TMEM221: variants seen among roughly 807,000 people sequenced by gnomAD.
TMEM221 encodes transmembrane protein 221.
Under a neutral mutation model 10.2 loss-of-function variants are expected in TMEM221, and 11 were observed. The observed-to-expected ratio is 1.08, with a 90% CI of 0.68 to 1.79. The LOEUF is 1.79. Among genes scored for constraint, TMEM221 ranks in the 40% most tolerant of loss-of-function variants. The pLI, the probability that TMEM221 is intolerant of heterozygous loss-of-function variation, is 0.00. For missense variants in TMEM221, 382 were observed against 417.7 expected, an observed-to-expected ratio of 0.91 and a Z score of 0.75; for synonymous variants, 172 against 199.8, an observed-to-expected ratio of 0.86 and a Z score of 1.18.
intron 2 of TMEM221, among the ~76,000 whole-genome samples, chr19:17,443,812 T>C (rs547474148): frequency 2.0e-5 from 3 of 152,204 alleles, no homozygotes; most frequent in Admixed American, 2.0e-4. Context: ...ATCAACACAT[T>C]TGTTTCAAGA....
At chr19:17,447,372 C>A (rs978150790) in intron 1 of TMEM221, among the ~76,000 whole-genome samples, 12 of 152,094 alleles carry the variant, frequency 7.9e-5, no homozygotes, top group African/African-American at 2.9e-4. Context: ...GGTCTGGGTC[C>A]ACTTGGTCCC....
At position 17,448,285 on chromosome 19, in the gene TMEM221, G is replaced by A; in HGVS notation, c.178C>T (p.Pro60Ser). The change falls in exon 1 of 3, where the codon CCA (proline) becomes TCA (serine). Residue 60 changes from proline to serine, a missense_variant. Pro to Ser is a moderately conservative substitution (Grantham distance 74, BLOSUM62 -1). Coordinates refer to ENST00000341130, the MANE Select transcript of TMEM221 (RefSeq NM_001190844.2). This position sits in a 1 kb window ranked among gnomAD's most constrained non-coding sequence, Gnocchi z 4.7. Reference sequence around the variant, plus strand: ...AGCAGCGTCCCGGCCGCGTCCTCTGGCAGCCCGGGGCCGGCGCCCAGCTCC... The same window carrying A: ...AGCAGCGTCCCGGCCGCGTCCTCTGACAGCCCGGGGCCGGCGCCCAGCTCC... ...GQELGAGPGLPEDAAGTLLPL... is the reference protein window; with the variant it reads ...GQELGAGPGLSEDAAGTLLPL... The A allele has an allele frequency of 8.2e-7, 1 of 1,217,566 alleles. No homozygotes were observed. Among genetic ancestry groups the A allele is most frequent in the African/African-American group, 1.6e-5 (1 of 63,112 alleles). 75.4% of individuals were successfully genotyped at this position (1,217,566 alleles called of 1,614,324 possible). A position where few individuals can be genotyped will look rare whatever the true frequency, so the allele number is the denominator to read the frequency against.
In TMEM221 at chr19:17,448,230, AC is replaced by A; in HGVS notation, c.232del (p.Val78CysfsTer57). Reference sequence around the variant, plus strand: ...CAAGCAGGTGAACCCCAGCACGAGCACCAGCGCGGCCAGCGCGGCGGCCAGC... The same window carrying A: ...CAAGCAGGTGAACCCCAGCACGAGCACAGCGCGGCCAGCGCGGCGGCCAGC... ...LPLAAALAAL[V>X]LVLGFTCLLL... On this transcript the variant is annotated frameshift_variant, in exon 1 of 3. Coordinates refer to ENST00000341130, the MANE Select transcript of TMEM221 (RefSeq NM_001190844.2). LOFTEE classifies it high-confidence loss of function. This position sits in a 1 kb window ranked among gnomAD's most constrained non-coding sequence, Gnocchi z 4.7. 1.5e-6 allele frequency: 2 copies of A among 1,349,134 alleles called. No homozygotes were observed. Among genetic ancestry groups the A allele is most frequent in the Non-Finnish European group, 9.5e-7 (1 of 1,050,800 alleles). 83.6% of individuals were successfully genotyped at this position (1,349,134 alleles called of 1,614,324 possible). A position where few individuals can be genotyped will look rare whatever the true frequency, so the allele number is the denominator to read the frequency against.
Position 17,445,280 on chromosome 19 carries a change from C to T in TMEM221, c.325G>A (p.Asp109Asn). Residue 109 changes from aspartate to asparagine, a missense_variant, in exon 2 of 3, where the codon GAC becomes AAC. Asp to Asn is a conservative substitution (Grantham distance 23). Coordinates refer to ENST00000341130, the MANE Select transcript of TMEM221 (RefSeq NM_001190844.2). ...LARGPGPRRS[D>N]WFLYDCRLLR... is the part of the protein sequence containing the mutation. Reference sequence around the variant, plus strand: ...AGGCGGCAGTCGTAGAGAAACCAGTCAGACCTGGAATGAAGGGGAGCAGGA... The same window carrying T: ...AGGCGGCAGTCGTAGAGAAACCAGTTAGACCTGGAATGAAGGGGAGCAGGA... 1 of 1,535,472 alleles carries T rather than the reference C, an allele frequency of 6.5e-7. No homozygotes were observed.
intron 2 of TMEM221, among the ~76,000 whole-genome samples, chr19:17,444,098 T>TTTTTTA (rs2074942792): frequency 1.7e-5 from 2 of 114,846 alleles, no homozygotes; most frequent in African/African-American, 6.2e-5. Flanking sequence ...TTTTTTTTTT[T>TTTTTTA]GAGACGGGGT....
chr19:17,441,554 A>G (rs1020168256), intron 2 of TMEM221, among the ~76,000 whole-genome samples: 1 of 152,190 alleles, frequency 6.6e-6, no homozygotes, highest in African/African-American at 2.4e-5. Flanking sequence ...TCAGAGCATT[A>G]ATTGCTTCCC....
intron 2 of TMEM221, among the ~76,000 whole-genome samples, chr19:17,444,070 T>A (rs1318010343): frequency 7.7e-6 from 1 of 129,298 alleles, no homozygotes; most frequent in African/African-American, 2.9e-5. Flanking sequence ...TAAAATGCTA[T>A]CTTTTTTTTT....
In TMEM221 at chr19:17,448,469, G is replaced by A. The variant is rs1459223195; in HGVS notation, c.-7C>T. ...CGCCGTAAGAACGGGCCATGGCGGGGGTTCCTGCGGGCCGGGGGAAGAGTT... is the reference window on the plus strand; with the variant it reads ...CGCCGTAAGAACGGGCCATGGCGGGAGTTCCTGCGGGCCGGGGGAAGAGTT... On this transcript the variant is annotated 5_prime_UTR_variant, in exon 1 of 3. Coordinates refer to ENST00000341130, the MANE Select transcript of TMEM221 (RefSeq NM_001190844.2). This position sits in a 1 kb window ranked among gnomAD's most constrained non-coding sequence, Gnocchi z 4.7. 6.8e-7 allele frequency: 1 copy of A among 1,469,868 alleles called. No homozygotes were observed. The highest frequency in any genetic ancestry group is 2.4e-5 in the Admixed American group (1 of 41,988). The allele number at this position is 1,469,868 out of a possible 1,614,324, so 91.1% of individuals were successfully genotyped here.
At position 17,445,246 on chromosome 19, in the gene TMEM221, T is replaced by C; in HGVS notation, c.359A>G (p.His120Arg). The change falls in exon 2 of 3, where the codon CAT becomes CGT. Residue 120 changes from histidine to arginine, a missense_variant. By Grantham distance (29) the His-to-Arg change is conservative. Coordinates refer to ENST00000341130, the MANE Select transcript of TMEM221 (RefSeq NM_001190844.2). ...WFLYDCRLLR[H>R]VALGLFCCGI... Reference sequence around the variant, plus strand: ...ACAGCAGAAAAGGCCAAGGGCCACATGTCTGAGGAGGCGGCAGTCGTAGAG... The same window carrying C: ...ACAGCAGAAAAGGCCAAGGGCCACACGTCTGAGGAGGCGGCAGTCGTAGAG... 1 of 1,535,842 alleles carries C rather than the reference T, an allele frequency of 6.5e-7. No individual in the cohort carries two copies. The highest frequency in any genetic ancestry group is 1.2e-5 in the South Asian group (1 of 84,042).
At chr19:17,437,818 G>A (rs2074915428) in intron 2 of TMEM221, among the ~76,000 whole-genome samples, 1 of 152,078 alleles carries the variant, frequency 6.6e-6, no homozygotes, top group Admixed American at 6.6e-5. Flanking sequence ...TAAGGAAGGA[G>A]TGGATGTTGG....
chr19:17,445,341 A>G, intron 1 of TMEM221, 57 bp from the exon 2 acceptor site: 1 of 1,422,636 alleles, frequency 7.0e-7, no homozygotes, highest in Non-Finnish European at 9.5e-7. Flanking sequence ...TGGTGGGGGG[A>G]GGTCAGTGAG....
chr19:17,447,340 T>C (rs1487471499), intron 1 of TMEM221, among the ~76,000 whole-genome samples: 1 of 152,184 alleles, frequency 6.6e-6, no homozygotes, highest in African/African-American at 2.4e-5. Context: ...GTTTCCTTAT[T>C]TTCTGTGACC....
Position 17,436,899 on chromosome 19 carries a change from G to A in TMEM221, c.435C>T (p.Phe145=), listed in dbSNP as rs769844450. 2.5e-5 allele frequency: 35 copies of A among 1,405,346 alleles called. No homozygotes were observed. Among genetic ancestry groups the A allele is most frequent in the Non-Finnish European group, 2.0e-5 (22 of 1,079,744 alleles). 87.1% of individuals were successfully genotyped at this position (1,405,346 alleles called of 1,614,324 possible). A position where few individuals can be genotyped will look rare whatever the true frequency, so the allele number is the denominator to read the frequency against. The change falls in exon 3 of 3, where the codon TTC becomes TTT. Residue 145 remains phenylalanine (F), a synonymous_variant. Coordinates refer to ENST00000341130, the MANE Select transcript of TMEM221 (RefSeq NM_001190844.2). ...CAGCTGCTGCGCCTGTCTCGATCTC[G>A]AAAAGTAGCAAGGCATAGATGGACA... ...AALSIYALLL[F]EIETGAAAAS...
chr19:17,443,229 C>T (rs963614869), intron 2 of TMEM221, among the ~76,000 whole-genome samples: 2 of 151,696 alleles, frequency 1.3e-5, no homozygotes, highest in Admixed American at 6.6e-5. Flanking sequence ...TGCAGTGAGC[C>T]GAGATCACAC....
chr19:17,436,242 C>T lies in TMEM221; in HGVS notation c.*216G>A, dbSNP rs1397221610. On this transcript the variant is annotated 3_prime_UTR_variant, in exon 3 of 3. Coordinates refer to ENST00000341130, the MANE Select transcript of TMEM221 (RefSeq NM_001190844.2). ...TTCCTGGGAAGACTTCCAGGAGACACCTAGCCAGCGCTGGCCTCTGACTTT... is the reference window on the plus strand; with the variant it reads ...TTCCTGGGAAGACTTCCAGGAGACATCTAGCCAGCGCTGGCCTCTGACTTT... 5.7e-6 allele frequency: 3 copies of T among 529,998 alleles called. No individual in the cohort carries two copies. Among genetic ancestry groups the T allele is most frequent in the African/African-American group, 1.9e-5 (1 of 52,240 alleles). 32.8% of individuals were successfully genotyped at this position (529,998 alleles called of 1,614,324 possible).
At chr19:17,439,124 G>A (rs1404540510) in intron 2 of TMEM221, among the ~76,000 whole-genome samples, 6 of 150,136 alleles carry the variant, frequency 4.0e-5, no homozygotes, top group East Asian at 2.0e-4. Flanking sequence ...GGAGAATGGC[G>A]TGAACCTGGG....
At position 17,448,453 on chromosome 19, in the gene TMEM221, A is replaced by G; in HGVS notation, c.10T>C (p.Ser4Pro). MAR[S>P]YGGRVLAAMT... is the part of the protein sequence containing the mutation. ...GCAGCCAGCACCCGGCCGCCGTAAG[A>G]ACGGGCCATGGCGGGGGTTCCTGCG... Residue 4 changes from serine (S) to proline (P), a missense_variant, in exon 1 of 3, where the codon TCT (serine) becomes CCT (proline). By Grantham distance (74) the Ser-to-Pro change is moderately conservative. Coordinates refer to ENST00000341130, the MANE Select transcript of TMEM221 (RefSeq NM_001190844.2). This position sits in a 1 kb window ranked among gnomAD's most constrained non-coding sequence, Gnocchi z 4.7. 1 of 1,476,488 alleles carries G rather than the reference A, an allele frequency of 6.8e-7. No homozygotes were observed. The highest frequency in any genetic ancestry group is 8.9e-7 in the Non-Finnish European group (1 of 1,119,394). The allele number at this position is 1,476,488 out of a possible 1,614,324, so 91.5% of individuals were successfully genotyped here.
At chr19:17,447,104 C>A (rs897120520) in intron 1 of TMEM221, among the ~76,000 whole-genome samples, 73 of 151,998 alleles carry the variant, frequency 4.8e-4, no homozygotes, top group African/African-American at 1.2e-3. Context: ...CACCTGTAAT[C>A]CCAGCTACTC....
At chr19:17,447,577 C>T (rs1433855822) in intron 1 of TMEM221, among the ~76,000 whole-genome samples, 1 of 152,208 alleles carries the variant, frequency 6.6e-6, no homozygotes, top group Non-Finnish European at 1.5e-5. Context: ...TTGGGCTCCT[C>T]TCCCCCGACA....
Sources: allele counts gnomAD v4.1 joint callset (sites outside exome capture counted in the v4.1 genomes callset), GRCh38; gene constraint gnomAD v4.1.1; non-coding constraint Gnocchi (gnomAD v3.1); transcripts MANE v1.5; gene names NCBI Gene and HGNC (gene_info 2026-07-23, HGNC 2026-07-21).